CMKLR2: variants seen among roughly 807,000 people sequenced by gnomAD.
The protein encoded by CMKLR2 is chemerin-like receptor 2.
Under a neutral mutation model 23.0 loss-of-function variants are expected in CMKLR2, and 18 were observed. The ratio of observed to expected loss-of-function variants is 0.78; its 90% CI spans 0.54 to 1.16. CMKLR2 has a LOEUF of 1.16. CMKLR2 is among the 50% of genes most tolerant of loss of function. The pLI, the probability that CMKLR2 is intolerant of heterozygous loss-of-function variation, is 0.00. For synonymous variants in CMKLR2, 158 were observed against 158.9 expected, an observed-to-expected ratio of 0.99 and a Z score of 0.05; for missense variants, 401 against 412.7, an observed-to-expected ratio of 0.97 and a Z score of 0.25.
At chr2:206,177,336 A>G (rs1286452034) in intron 1 of CMKLR2, 61 bp from the exon 2 acceptor site, 1 of 731,388 alleles carries the variant, frequency 1.4e-6, no homozygotes, top group African/African-American at 1.8e-5. Context: ...AGTTCAGTGA[A>G]TGATAAGGAA....
At chr2:206,185,090 C>A (rs1280141304) in intron 1 of CMKLR2, among the ~76,000 whole-genome samples, 1 of 152,034 alleles carries the variant, frequency 6.6e-6, no homozygotes, top group African/African-American at 2.4e-5. Flanking sequence ...TGGGTTCCAG[C>A]GATTCTCCTG....
chr2:206,183,493 T>C (rs1031811160), intron 1 of CMKLR2, among the ~76,000 whole-genome samples: 14 of 152,270 alleles, frequency 9.2e-5, no homozygotes, highest in South Asian at 6.2e-4. Context: ...GGATGAGTGA[T>C]CTATCTGAAT....
At chr2:206,209,647 CTTT>C (rs71034424) in intron 1 of CMKLR2, among the ~76,000 whole-genome samples, 1,378 of 134,742 alleles carry the variant, frequency 0.01, 15 homozygotes, top group Non-Finnish European at 0.011. Context: ...TCTTTTCTTT[CTTT>C]TTTTTTTTTT....
intron 1 of CMKLR2, among the ~76,000 whole-genome samples, chr2:206,211,385 C>T (rs1231286995): frequency 1.3e-5 from 2 of 152,120 alleles, no homozygotes; most frequent in Non-Finnish European, 1.5e-5. Context: ...AGTGCAGTGG[C>T]ACGATCTTAG....
chr2:206,196,796 G>A (rs1417604953), intron 1 of CMKLR2, among the ~76,000 whole-genome samples: 3 of 152,172 alleles, frequency 2.0e-5, no homozygotes, highest in African/African-American at 2.4e-5. Flanking sequence ...TAAAGTCACT[G>A]CAGGATGACT....
chr2:206,197,613 G>A (rs1008808219), intron 1 of CMKLR2, among the ~76,000 whole-genome samples: 3 of 152,172 alleles, frequency 2.0e-5, no homozygotes, highest in African/African-American at 4.8e-5. Context: ...TGGGAGCAGT[G>A]CCCTGTAGAG....
chr2:206,212,954 A>G (rs1275412788), intron 1 of CMKLR2, among the ~76,000 whole-genome samples: 2 of 152,220 alleles, frequency 1.3e-5, no homozygotes, highest in African/African-American at 4.8e-5. Context: ...TCTAGATCAC[A>G]ACTCCTTAAA....
upstream of CMKLR2, chr2:206,217,347 A>G (rs1386707853): frequency 6.6e-6 from 1 of 152,186 alleles, no homozygotes; most frequent in Non-Finnish European, 1.5e-5. Flanking sequence ...TTTTCCAGAG[A>G]CTGAAATGGA....
chr2:206,211,538 C>G (rs568275196), intron 1 of CMKLR2, among the ~76,000 whole-genome samples: 1 of 151,826 alleles, frequency 6.6e-6, no homozygotes, highest in Non-Finnish European at 1.5e-5. Flanking sequence ...AGGCTGGTCT[C>G]GAACTCCTGG....
At chr2:206,188,986 G>C (rs1260658082) in intron 1 of CMKLR2, among the ~76,000 whole-genome samples, 1 of 152,138 alleles carries the variant, frequency 6.6e-6, no homozygotes, top group African/African-American at 2.4e-5. Flanking sequence ...GATGAGGTTT[G>C]GCTATAGAGG....
chr2:206,179,502 G>A (rs1295251153), intron 1 of CMKLR2, among the ~76,000 whole-genome samples: 2 of 145,218 alleles, frequency 1.4e-5, no homozygotes, highest in Non-Finnish European at 3.0e-5. Context: ...TCAGCCTCCA[G>A]GTATTTTTAG....
chr2:206,177,190 CT>C lies in CMKLR2; in HGVS notation c.57del (p.Asp20ThrfsTer60). On this transcript the variant is annotated frameshift_variant, in exon 2 of 2. Transcript: ENST00000621141. LOFTEE classifies it high-confidence loss of function. ...FEEFENYSYD[L>X]DYYSLESDLE... ...AAATCAGACTCCAGAGAGTAATAGT[CT>C]AGGTCATAGGAATAGTTTTCAAATT... The C allele has an allele frequency of 6.2e-7, 1 of 1,613,764 alleles. No individual in the cohort carries two copies.
chr2:206,183,158 C>T (rs1483134243), intron 1 of CMKLR2, among the ~76,000 whole-genome samples: 2 of 152,182 alleles, frequency 1.3e-5, no homozygotes, highest in Admixed American at 1.3e-4. Flanking sequence ...CCTTACCTTA[C>T]AGGTGCCTAT....
intron 1 of CMKLR2, among the ~76,000 whole-genome samples, chr2:206,186,961 G>A (rs1688599785): frequency 6.6e-6 from 1 of 152,052 alleles, no homozygotes; most frequent in Admixed American, 6.6e-5. Context: ...GCTGAGGCGA[G>A]GGGACTGCTT....
At chr2:206,186,074 G>T (rs1688567843) in intron 1 of CMKLR2, among the ~76,000 whole-genome samples, 1 of 151,464 alleles carries the variant, frequency 6.6e-6, no homozygotes, top group South Asian at 2.1e-4. Flanking sequence ...AATCCTTTTG[G>T]GCTATTTTTT....
At chr2:206,215,312 G>C (rs1222058057), upstream of CMKLR2, among the ~76,000 whole-genome samples, 1 of 152,144 alleles carries the variant, frequency 6.6e-6, no homozygotes, top group Non-Finnish European at 1.5e-5. Flanking sequence ...ATTTACTATA[G>C]TCTATACTAT....
intron 1 of CMKLR2, among the ~76,000 whole-genome samples, chr2:206,200,328 C>G (rs919907759): frequency 6.6e-6 from 1 of 152,170 alleles, no homozygotes; most frequent in Admixed American, 6.5e-5. Flanking sequence ...GAGGCTGAGA[C>G]AGGAGAATCA....
At chr2:206,198,573 C>T (rs1336232475) in intron 1 of CMKLR2, among the ~76,000 whole-genome samples, 1 of 152,158 alleles carries the variant, frequency 6.6e-6, no homozygotes, top group Non-Finnish European at 1.5e-5. Context: ...CAAACAATGT[C>T]TTCCAGTAAA....
intron 1 of CMKLR2, among the ~76,000 whole-genome samples, chr2:206,202,267 A>T (rs952468945): frequency 3.3e-5 from 5 of 152,196 alleles, no homozygotes; most frequent in African/African-American, 1.2e-4. Flanking sequence ...TTGATGTCTA[A>T]AATTCAGTAA....
Sources: allele counts gnomAD v4.1 joint callset (sites outside exome capture counted in the v4.1 genomes callset), GRCh38; gene constraint gnomAD v4.1.1; transcripts MANE v1.5; gene names NCBI Gene and HGNC (gene_info 2026-07-23, HGNC 2026-07-21).